Variants in GGA1 observed in about 807,000 individuals in gnomAD.
GGA1 encodes golgi associated, gamma adaptin ear containing, ARF binding protein 1.
A neutral mutation model predicts 76.9 loss-of-function variants in GGA1; 18 were observed. The ratio of observed to expected loss-of-function variants is 0.23; its 90% CI spans 0.16 to 0.35. GGA1 has a LOEUF of 0.35. Among genes scored for constraint, GGA1 ranks in the 10% least tolerant of loss-of-function variants. The pLI, the probability that GGA1 is intolerant of heterozygous loss-of-function variation, is 1.00. For synonymous variants in GGA1, 342 were observed against 354.7 expected (o/e 0.96, Z 0.40); for missense variants, 755 against 859.0 (o/e 0.88, Z 1.51).
At chr22:37,618,993 A>C (rs1013780915) in intron 4 of GGA1, among the ~76,000 whole-genome samples, 1 of 152,238 alleles carries the variant, frequency 6.6e-6, no homozygotes, top group African/African-American at 2.4e-5. Flanking sequence ...GACCTGAGTG[A>C]TGGAGCCTGC....
intron 13 of GGA1, 118 bp from the exon 14 acceptor site, chr22:37,630,785 C>T (rs1931661550): frequency 1.4e-6 from 1 of 702,706 alleles, no homozygotes; most frequent in African/African-American, 1.8e-5. Context: ...CCAGGCTGGT[C>T]TCAAACTCCT....
At position 37,612,497 on chromosome 22, in the gene GGA1, C is replaced by A. The variant is rs5750462; in HGVS notation, c.44-1693C>A. 29 of 134,514 alleles carry A rather than the reference C, an allele frequency of 2.2e-4. 4 individuals carry two copies. The highest frequency in any genetic ancestry group is 4.4e-3 in the Middle Eastern group (1 of 228). 8.3% of individuals were successfully genotyped at this position (134,514 alleles called of 1,614,324 possible). A position where few individuals can be genotyped will look rare whatever the true frequency, so the allele number is the denominator to read the frequency against. On this transcript the variant is annotated intron_variant, in intron 1 of 16. Transcript: ENST00000343632. ...AAAAAAAAAAAAAAATACAGCCGGG[C>A]ACGGTGGCTCACACCTGTAATCCCA...
intron 11 of GGA1, among the ~76,000 whole-genome samples, chr22:37,628,669 AT>A (rs1931264340): frequency 6.6e-6 from 1 of 152,234 alleles, no homozygotes; most frequent in Admixed American, 6.5e-5. Context: ...TAAGAAGTGC[AT>A]CTAGAAGGGA....
chr22:37,625,997 G>C lies in GGA1; in HGVS notation c.1093+48G>C. 6.7e-7 allele frequency: 1 copy of C among 1,485,172 alleles called. No homozygotes were observed. Among genetic ancestry groups the C allele is most frequent in the Non-Finnish European group, 9.1e-7 (1 of 1,097,566 alleles). 92.0% of individuals were successfully genotyped at this position (1,485,172 alleles called of 1,614,324 possible). A position where few individuals can be genotyped will look rare whatever the true frequency, so the allele number is the denominator to read the frequency against. On this transcript the variant is annotated intron_variant, in intron 11 of 16. Transcript: ENST00000343632. This position sits in a 1 kb window ranked among gnomAD's most constrained non-coding sequence, Gnocchi z 4.1. Reference sequence around the variant, plus strand: ...AGGAGGGCGGGCTCAGCAGCAGATGGGGCATGATCCCAGGGCCCACTCACA... The same window carrying C: ...AGGAGGGCGGGCTCAGCAGCAGATGCGGCATGATCCCAGGGCCCACTCACA...
Position 37,624,679 on chromosome 22 carries a change from G to T in GGA1, c.833-290G>T. 2.7e-6 allele frequency: 1 copy of T among 367,198 alleles called. No individual in the cohort carries two copies. Among genetic ancestry groups the T allele is most frequent in the Non-Finnish European group, 5.3e-6 (1 of 188,420 alleles). The allele number at this position is 367,198 out of a possible 1,614,324, so 22.7% of individuals were successfully genotyped here. ...GCAGTAAGGGATGAAGCCATGCAGA[G>T]ATCTGGGGCAGCCAGAGAGCAGAGC... On this transcript the variant is annotated intron_variant, in intron 9 of 16. Coordinates refer to ENST00000343632, the MANE Select transcript of GGA1 (RefSeq NM_013365.5). This position sits in a 1 kb window ranked among gnomAD's most constrained non-coding sequence, Gnocchi z 4.3.
intron 13 of GGA1, chr22:37,630,400 A>C: frequency 1.9e-6 from 1 of 520,390 alleles, no homozygotes; most frequent in East Asian, 3.5e-5. Context: ...CCCTTGAGAA[A>C]GGTCCAGAGG....
chr22:37,623,444 G>A lies in GGA1; in HGVS notation c.727G>A (p.Gly243Ser), dbSNP rs1930242140. The A allele has an allele frequency of 6.2e-7, 1 of 1,614,078 alleles. No individual in the cohort carries two copies. Among genetic ancestry groups the A allele is most frequent in the South Asian group, 1.1e-5 (1 of 91,088 alleles). Reference sequence around the variant, plus strand: ...CCACAGCCAGGGCGGCGCAGCAGCTGGCAGCAGCGAGGACCTCATGAAGGT... The same window carrying A: ...CCACAGCCAGGGCGGCGCAGCAGCTAGCAGCAGCGAGGACCTCATGAAGGT... ...MSHSQGGAAA[G>S]SSEDLMKELY... Residue 243 changes from glycine to serine, a missense_variant, in exon 8 of 17, where the codon GGC (glycine) becomes AGC (serine). Gly to Ser is a moderately conservative substitution (Grantham distance 56). Transcript: ENST00000343632. This position sits in a 1 kb window ranked among gnomAD's most constrained non-coding sequence, Gnocchi z 4.6.
At chr22:37,620,125 G>A in intron 4 of GGA1, 113 bp from the exon 5 acceptor site, 1 of 1,214,692 alleles carries the variant, frequency 8.2e-7, no homozygotes, top group Non-Finnish European at 1.2e-6. Context: ...GGACCCTGTA[G>A]GCTAGAGGGC....
At chr22:37,631,308 A>G (rs1239037053) in intron 14 of GGA1, among the ~76,000 whole-genome samples, 1 of 152,206 alleles carries the variant, frequency 6.6e-6, no homozygotes, top group Admixed American at 6.5e-5. Context: ...TACAAACTCC[A>G]GGCTTATATA....
At chr22:37,613,957 C>G (rs941872661) in intron 1 of GGA1, 16 of 511,320 alleles carry the variant, frequency 3.1e-5, no homozygotes, top group Non-Finnish European at 5.7e-5. Flanking sequence ...AGGGGAAGGG[C>G]CCTGACCATA....
chr22:37,618,161 T>C (rs1351360231), intron 3 of GGA1: 1 of 326,434 alleles, frequency 3.1e-6, no homozygotes, highest in African/African-American at 2.2e-5. Flanking sequence ...AAGAAAATAA[T>C]GTACAGTTGG....
At position 37,613,038 on chromosome 22, in the gene GGA1, G is replaced by A. The variant is rs1279456524; in HGVS notation, c.44-1152G>A. ...CATTTGCCAAGGGGAGACAGGTGTG[G>A]ACATGAGTGGCTGGGATGCAGTGCC... On this transcript the variant is annotated intron_variant, in intron 1 of 16. Transcript: ENST00000343632. 10 of 985,362 alleles carry A rather than the reference G, an allele frequency of 1.0e-5. No homozygotes were observed. The African/African-American group carries it at 1.7e-4, about 17-fold the overall frequency. 61.0% of individuals were successfully genotyped at this position (985,362 alleles called of 1,614,324 possible).
chr22:37,609,322 C>T (rs1001775979), intron 1 of GGA1: 34 of 1,108,724 alleles, frequency 3.1e-5, no homozygotes, highest in Non-Finnish European at 3.6e-5. Flanking sequence ...CCCGAATCCT[C>T]CACTCTCTGG....
At chr22:37,627,622 C>T (rs931718250) in intron 11 of GGA1, among the ~76,000 whole-genome samples, 1 of 152,218 alleles carries the variant, frequency 6.6e-6, no homozygotes, top group Admixed American at 6.5e-5. Flanking sequence ...TGCAGGGCCA[C>T]CAGCCCCCAG....
chr22:37,617,394 G>A, intron 3 of GGA1: 4 of 1,089,012 alleles, frequency 3.7e-6, no homozygotes, highest in Non-Finnish European at 4.5e-6. Flanking sequence ...GGTGGTGCTT[G>A]GGCTCAGGCC....
Position 37,623,148 on chromosome 22 carries a change from C to T in GGA1, c.610-179C>T, listed in dbSNP as rs1295807699. 1.3e-5 allele frequency among the ~76,000 whole-genome samples: 2 copies of T among 152,142 alleles called. No homozygotes were observed. Among genetic ancestry groups the T allele is most frequent in the African/African-American group, 2.4e-5 (1 of 41,426 alleles). ...GGGCACTGGGGGCTTCTTGGACCAG[C>T]GTGCCCTTCCTAGGCATGAGGGGCT... On this transcript the variant is annotated intron_variant, in intron 7 of 16. Coordinates refer to ENST00000343632, the MANE Select transcript of GGA1 (RefSeq NM_013365.5). The surrounding 1 kb of genome is among the most constrained non-coding windows in gnomAD (Gnocchi z 4.6).
At chr22:37,622,623 C>G (rs938430107) in intron 7 of GGA1, among the ~76,000 whole-genome samples, 41 of 152,098 alleles carry the variant, frequency 2.7e-4, no homozygotes, top group African/African-American at 9.4e-4. Context: ...CTTTGTTGCC[C>G]AAACTAGTCT....
chr22:37,629,966 GC>G (rs781504100), intron 12 of GGA1, 31 bp from the exon 13 acceptor site: 5 of 1,483,726 alleles, frequency 3.4e-6, no homozygotes, highest in Non-Finnish European at 4.6e-6. Context: ...TCTCTAGACA[GC>G]CCCACCCCAC....
intron 4 of GGA1, among the ~76,000 whole-genome samples, chr22:37,618,755 G>A (rs1437967508): frequency 6.6e-6 from 1 of 152,250 alleles, no homozygotes; most frequent in Non-Finnish European, 1.5e-5. Context: ...TCTCGGAGGA[G>A]TGTTTCCAGG....
Sources: gnomAD v4.1 joint callset for allele counts (sites outside exome capture counted in the v4.1 genomes callset) on GRCh38, gnomAD v4.1.1 for gene constraint, Gnocchi (gnomAD v3.1) non-coding constraint, MANE v1.5 for transcripts, NCBI Gene and HGNC (gene_info 2026-07-23, HGNC 2026-07-21) for gene names.